SLC24A2: variants seen among roughly 807,000 people sequenced by gnomAD.
The protein encoded by SLC24A2 is solute carrier family 24 member 2, also known as sodium/potassium/calcium exchanger 2.
Under a neutral mutation model 62.0 loss-of-function variants are expected in SLC24A2, and 36 were observed. The ratio of observed to expected loss-of-function variants is 0.58; its 90% CI spans 0.44 to 0.77. The LOEUF (loss-of-function observed/expected upper bound fraction) is 0.77. Ranked by LOEUF, SLC24A2 falls within the 30% of genes least tolerant of loss-of-function variation. SLC24A2 has a pLI of 0.00. For missense variants in SLC24A2, 846 were observed against 817.9 expected (o/e 1.03, Z -0.42); for synonymous variants, 358 against 294.0 (o/e 1.22, Z -2.23).
At chr9:20,168,731 T>A in the SLC24A2 span, among the ~76,000 whole-genome samples, 1 of 152,006 alleles carries the variant, frequency 6.6e-6, no homozygotes, top group Non-Finnish European at 1.5e-5. Context: ...TGTAGAGGAA[T>A]TGAAGCCCTC....
chr9:20,263,280 T>C, the SLC24A2 span, among the ~76,000 whole-genome samples: 1 of 152,116 alleles, frequency 6.6e-6, no homozygotes, highest in Non-Finnish European at 1.5e-5. Flanking sequence ...TGAGACAGGA[T>C]CTCACTCTGT....
chr9:20,070,884 C>G, the SLC24A2 span, among the ~76,000 whole-genome samples: 26 of 152,094 alleles, frequency 1.7e-4, no homozygotes, highest in Admixed American at 6.6e-5. Context: ...ATGTTCCTGC[C>G]CAAATCTCAT....
chr9:19,557,106 G>A (rs745889723), intron 7 of SLC24A2, among the ~76,000 whole-genome samples: 11 of 152,098 alleles, frequency 7.2e-5, no homozygotes, highest in Non-Finnish European at 1.3e-4. Context: ...ACAGTGCTAG[G>A]CCAACCCTGA....
chr9:20,031,336 A>G, the SLC24A2 span, among the ~76,000 whole-genome samples: 1 of 124,034 alleles, frequency 8.1e-6, no homozygotes, highest in African/African-American at 3.0e-5. Context: ...GTGCCCATAT[A>G]TATGTACACA....
the SLC24A2 span, among the ~76,000 whole-genome samples, chr9:19,849,222 A>G: frequency 6.6e-6 from 1 of 152,188 alleles, no homozygotes; most frequent in East Asian, 1.9e-4. Flanking sequence ...CAAGAAAAAA[A>G]CAAGCACATA....
chr9:19,977,856 G>A, the SLC24A2 span, among the ~76,000 whole-genome samples: 2 of 152,156 alleles, frequency 1.3e-5, no homozygotes, highest in African/African-American at 2.4e-5. Context: ...TGGACACAGA[G>A]CTCCCAGCCC....
At chr9:19,762,391 T>A (rs1008053252) in intron 2 of SLC24A2, among the ~76,000 whole-genome samples, 1 of 152,228 alleles carries the variant, frequency 6.6e-6, no homozygotes, top group African/African-American at 2.4e-5. Flanking sequence ...CCCATGCCTA[T>A]GTCCTGAATG....
the SLC24A2 span, among the ~76,000 whole-genome samples, chr9:20,081,685 T>G: frequency 2.0e-5 from 3 of 152,154 alleles, no homozygotes; most frequent in Admixed American, 6.5e-5. Flanking sequence ...TGTTACCTAA[T>G]TCTCTTCCAA....
At chr9:20,240,147 C>G in the SLC24A2 span, among the ~76,000 whole-genome samples, 4 of 152,098 alleles carry the variant, frequency 2.6e-5, no homozygotes, top group African/African-American at 9.7e-5. Flanking sequence ...GAGGCACTGT[C>G]CTTTTCAAGA....
At chr9:19,618,791 T>C (rs1043068782) in intron 4 of SLC24A2, among the ~76,000 whole-genome samples, 6 of 152,340 alleles carry the variant, frequency 3.9e-5, no homozygotes, top group East Asian at 1.9e-4. Flanking sequence ...AGTCCAAGGA[T>C]GAAGGGAGAA....
At chr9:19,675,841 T>C (rs1485427808) in intron 2 of SLC24A2, among the ~76,000 whole-genome samples, 1 of 152,154 alleles carries the variant, frequency 6.6e-6, no homozygotes. Context: ...GTGTCTGCAC[T>C]CCCTATTCAC....
At chr9:20,305,292 G>C in the SLC24A2 span, among the ~76,000 whole-genome samples, 1 of 151,946 alleles carries the variant, frequency 6.6e-6, no homozygotes, top group Non-Finnish European at 1.5e-5. Context: ...ATTTTTAGTA[G>C]AGATGAGGTT....
At chr9:19,765,371 G>A (rs1316451701) in intron 2 of SLC24A2, among the ~76,000 whole-genome samples, 1 of 152,146 alleles carries the variant, frequency 6.6e-6, no homozygotes, top group Non-Finnish European at 1.5e-5. Flanking sequence ...CCCATTAGTT[G>A]ATGCAGTTTC....
At chr9:20,038,059 G>A in the SLC24A2 span, among the ~76,000 whole-genome samples, 1 of 152,164 alleles carries the variant, frequency 6.6e-6, no homozygotes, top group African/African-American at 2.4e-5. Context: ...AATGTTGGAT[G>A]TTTCAGGTTT....
the SLC24A2 span, among the ~76,000 whole-genome samples, chr9:20,303,800 A>T: frequency 6.6e-6 from 1 of 152,200 alleles, no homozygotes; most frequent in Non-Finnish European, 1.5e-5. Flanking sequence ...AAGTAGGGAC[A>T]ACCTAGCGGC....
chr9:20,222,240 G>A, the SLC24A2 span, among the ~76,000 whole-genome samples: 2 of 151,886 alleles, frequency 1.3e-5, no homozygotes, highest in East Asian at 1.9e-4. Context: ...AGAAAAGAAT[G>A]TAGAAACTGT....
At chr9:20,230,303 C>T in the SLC24A2 span, among the ~76,000 whole-genome samples, 4 of 152,130 alleles carry the variant, frequency 2.6e-5, no homozygotes, top group Admixed American at 6.5e-5. Context: ...CCTGAGGAAT[C>T]GTCACACTGA....
chr9:19,639,149 C>G (rs1404361449), intron 2 of SLC24A2, among the ~76,000 whole-genome samples: 4 of 152,094 alleles, frequency 2.6e-5, no homozygotes, highest in African/African-American at 9.7e-5. Context: ...TCCCACAGAT[C>G]TTCATTCCCT....
At chr9:20,032,543 T>C in the SLC24A2 span, among the ~76,000 whole-genome samples, 2 of 152,222 alleles carry the variant, frequency 1.3e-5, no homozygotes, top group East Asian at 1.9e-4. Context: ...CGGGTTACCA[T>C]TGTTTTTTGT....
Sources: allele counts gnomAD v4.1 joint callset (sites outside exome capture counted in the v4.1 genomes callset), GRCh38; gene constraint gnomAD v4.1.1; transcripts MANE v1.5; gene names NCBI Gene and HGNC (gene_info 2026-07-23, HGNC 2026-07-21).